Variants in SLC9B1 observed in about 807,000 individuals in gnomAD.
SLC9B1 encodes sodium/hydrogen exchanger 9B1.
A neutral mutation model predicts 51.7 loss-of-function variants in SLC9B1; 32 were observed. The observed-to-expected ratio is 0.62, with a 90% CI of 0.47 to 0.83. The LOEUF is 0.83. SLC9B1 is among the 40% of genes least tolerant of loss of function. The probability of loss-of-function intolerance (pLI) is 0.00; values close to 1 mark genes in which losing one functional copy is unlikely to be tolerated. For missense variants in SLC9B1, 406 were observed against 613.2 expected (o/e 0.66, Z 3.57); for synonymous variants, 145 against 212.7 (o/e 0.68, Z 2.77).
intron 11 of SLC9B1, among the ~76,000 whole-genome samples, chr4:102,905,003 A>G (rs1734958229): frequency 6.6e-6 from 1 of 150,980 alleles, no homozygotes; most frequent in Non-Finnish European, 1.5e-5. Flanking sequence ...AACAATAAAA[A>G]AGCAGTTGGG....
chr4:102,894,744 C>T (rs1313220987), intron 11 of SLC9B1, among the ~76,000 whole-genome samples: 2 of 152,032 alleles, frequency 1.3e-5, no homozygotes, highest in East Asian at 1.9e-4. Flanking sequence ...ACTGCTTGAG[C>T]CCAGGAGTTC....
chr4:102,931,598 T>C (rs1736460801), intron 7 of SLC9B1, among the ~76,000 whole-genome samples: 1 of 151,980 alleles, frequency 6.6e-6, no homozygotes. Flanking sequence ...TGTGGAAATG[T>C]TTACTTTCAC....
chr4:102,926,524 G>C (rs1053982242), intron 7 of SLC9B1, among the ~76,000 whole-genome samples: 1 of 152,174 alleles, frequency 6.6e-6, no homozygotes, highest in African/African-American at 2.4e-5. Flanking sequence ...AAAATACCTA[G>C]GAATCCAACT....
At chr4:102,934,838 T>C (rs1736639937) in intron 6 of SLC9B1, among the ~76,000 whole-genome samples, 1 of 151,450 alleles carries the variant, frequency 6.6e-6, no homozygotes, top group Admixed American at 6.6e-5. Context: ...GAATGATACA[T>C]ACAAAGGCAT....
intron 3 of SLC9B1, among the ~76,000 whole-genome samples, chr4:102,983,862 CTGTTTT>C (rs1376158658): frequency 6.6e-6 from 1 of 151,828 alleles, no homozygotes; most frequent in Admixed American, 6.6e-5. Context: ...TATTGATTTC[CTGTTTT>C]TAATTGTACT....
At chr4:102,916,343 T>G (rs1222791551) in intron 7 of SLC9B1, among the ~76,000 whole-genome samples, 7 of 152,104 alleles carry the variant, frequency 4.6e-5, no homozygotes. Flanking sequence ...GAGACAAGGA[T>G]ATTACATAAT....
intron 3 of SLC9B1, among the ~76,000 whole-genome samples, chr4:102,954,827 A>G (rs1730672430): frequency 1.3e-5 from 2 of 152,214 alleles, no homozygotes; most frequent in South Asian, 4.1e-4. Flanking sequence ...GTAACACATT[A>G]CTAATGAAAA....
At chr4:102,905,698 G>A (rs1046098994) in intron 10 of SLC9B1, 48 bp from the exon 11 acceptor site, 1 of 1,550,176 alleles carries the variant, frequency 6.5e-7, no homozygotes, top group Non-Finnish European at 8.8e-7. Flanking sequence ...TTGTGAAGAA[G>A]TGTTCTTCAT....
intron 3 of SLC9B1, among the ~76,000 whole-genome samples, chr4:102,956,891 GA>G (rs1455631001): frequency 1.3e-5 from 2 of 152,150 alleles, no homozygotes; most frequent in Non-Finnish European, 2.9e-5. Context: ...ACTGGATTTA[GA>G]AAGAAAGTTT....
At chr4:102,940,300 G>C (rs1354620751) in intron 6 of SLC9B1, among the ~76,000 whole-genome samples, 4 of 152,110 alleles carry the variant, frequency 2.6e-5, no homozygotes, top group African/African-American at 9.7e-5. Flanking sequence ...AGCTAAGCAG[G>C]GAGGTGAAAT....
intron 11 of SLC9B1, among the ~76,000 whole-genome samples, chr4:102,904,329 G>A (rs1028347266): frequency 6.6e-6 from 1 of 151,972 alleles, no homozygotes; most frequent in Non-Finnish European, 1.5e-5. Context: ...CGAAGTGCTA[G>A]GATTCCAGGC....
chr4:103,001,360 T>A (rs937509408), intron 1 of SLC9B1, among the ~76,000 whole-genome samples: 16 of 152,220 alleles, frequency 1.1e-4, no homozygotes, highest in African/African-American at 3.9e-4. Flanking sequence ...CCCCCAAAAA[T>A]GGATTTTTCT....
intron 3 of SLC9B1, among the ~76,000 whole-genome samples, chr4:102,983,438 C>T (rs757992777): frequency 6.6e-6 from 1 of 152,106 alleles, no homozygotes; most frequent in Non-Finnish European, 1.5e-5. Context: ...CTGCTTATGT[C>T]TTCTAGAAAT....
chr4:102,902,706 T>C (rs188820108), intron 11 of SLC9B1, among the ~76,000 whole-genome samples: 4 of 152,328 alleles, frequency 2.6e-5, no homozygotes, highest in Admixed American at 2.0e-4. Context: ...GTGAGGACTT[T>C]ATTAGATGAT....
chr4:103,010,703 T>A (rs1018964248), intron 1 of SLC9B1, among the ~76,000 whole-genome samples: 1 of 152,168 alleles, frequency 6.6e-6, no homozygotes, highest in African/African-American at 2.4e-5. Flanking sequence ...TATCTTTACA[T>A]GTTGGAAGAG....
intron 3 of SLC9B1, among the ~76,000 whole-genome samples, chr4:102,983,948 T>C (rs1739488385): frequency 6.6e-6 from 1 of 152,072 alleles, no homozygotes; most frequent in Non-Finnish European, 1.5e-5. Context: ...CTTTTCTTTC[T>C]AGCTTCCTGA....
chr4:102,906,280 G>A lies in SLC9B1; in HGVS notation c.1195+256C>T, dbSNP rs200307989. 7 of 216,670 alleles carry A rather than the reference G, an allele frequency of 3.2e-5. No homozygotes were observed. In the East Asian group the frequency reaches 8.2e-4, roughly 25 times the overall value. The allele number at this position is 216,670 out of a possible 1,614,324, so 13.4% of individuals were successfully genotyped here. On this transcript the variant is annotated intron_variant, in intron 10 of 11. Transcript: ENST00000296422. ...AAAAAGCGCTGATCGTATCAAATAT[G>A]TTCCCTCAGGAAAGAAATCTTATAT...
intron 7 of SLC9B1, among the ~76,000 whole-genome samples, chr4:102,927,117 T>C (rs1478044007): frequency 6.6e-6 from 1 of 152,200 alleles, no homozygotes; most frequent in Non-Finnish European, 1.5e-5. Context: ...GATTAAAGAC[T>C]TAAATGTTAG....
rs1472628409 is a variant in SLC9B1 at position 102,906,575 on chromosome 4, C to A, written c.1156G>T (p.Ala386Ser). The change falls in exon 10 of 12, where the codon GCA becomes TCA. Residue 386 changes from alanine to serine, a missense_variant. By Grantham distance (99) the Ala-to-Ser change is moderately conservative. Transcript: ENST00000296422. ...TCAAGCGATGAAACAGATACTTCTG[C>A]TCCAACTAAACCAAAAAGAAGTGGT... Reference protein sequence around the residue: ...FQPLLFGLVGAEVSVSSLESN... With the variant: ...FQPLLFGLVGSEVSVSSLESN... 3.1e-6 allele frequency: 5 copies of A among 1,589,802 alleles called. No individual in the cohort carries two copies. Among genetic ancestry groups the A allele is most frequent in the South Asian group, 2.2e-5 (2 of 90,162 alleles).
Sources: allele counts gnomAD v4.1 joint callset (sites outside exome capture counted in the v4.1 genomes callset), GRCh38; gene constraint gnomAD v4.1.1; transcripts MANE v1.5; gene names NCBI Gene and HGNC (gene_info 2026-07-23, HGNC 2026-07-21).